KIF26B: variants seen among roughly 807,000 people sequenced by gnomAD.
KIF26B encodes kinesin family member 26B.
In KIF26B, 63 loss-of-function variants were observed where a neutral mutation model predicts 151.2. The observed-to-expected ratio is 0.42, with a 90% CI of 0.34 to 0.51. KIF26B has a LOEUF of 0.51. Ranked by LOEUF, KIF26B falls within the 20% of genes least tolerant of loss-of-function variation. The pLI, the probability that KIF26B is intolerant of heterozygous loss-of-function variation, is 0.07. For missense variants in KIF26B, 2,813 were observed against 2,913.6 expected (o/e 0.97, Z 0.79); for synonymous variants, 1,357 against 1,262.1 (o/e 1.08, Z -1.59).
At chr1:245,261,509 C>T (rs1670644134) in intron 2 of KIF26B, among the ~76,000 whole-genome samples, 2 of 100,460 alleles carry the variant, frequency 2.0e-5, no homozygotes, top group Non-Finnish European at 2.2e-5. Flanking sequence ...CTCTCCCTCC[C>T]TCCCTCCCTC....
chr1:245,325,109 A>T (rs1334155490), intron 2 of KIF26B, among the ~76,000 whole-genome samples: 3 of 134,688 alleles, frequency 2.2e-5, no homozygotes, highest in Non-Finnish European at 4.9e-5. Context: ...AAAAAAAAAA[A>T]AAGAAAAAAA....
intron 9 of KIF26B, among the ~76,000 whole-genome samples, chr1:245,637,230 G>A (rs1218022811): frequency 6.6e-6 from 1 of 151,870 alleles, no homozygotes; most frequent in Non-Finnish European, 1.5e-5. Context: ...ATGATAGCTC[G>A]TTATGGTTTT....
At chr1:245,408,275 G>A (rs1432812291) in intron 3 of KIF26B, among the ~76,000 whole-genome samples, 2 of 151,624 alleles carry the variant, frequency 1.3e-5, no homozygotes, top group East Asian at 3.9e-4. Flanking sequence ...ACACGGGATA[G>A]AGAGAGCCTA....
intron 2 of KIF26B, among the ~76,000 whole-genome samples, chr1:245,184,047 GTTGTTT>G (rs1668953367): frequency 1.1e-4 from 1 of 9,252 alleles, no homozygotes; most frequent in Non-Finnish European, 2.2e-4. Context: ...GGTGGGAGTT[GTTGTTT>G]TTTTTTTTTT....
intron 12 of KIF26B, among the ~76,000 whole-genome samples, chr1:245,691,357 A>G (rs1038500645): frequency 7.9e-5 from 12 of 152,208 alleles, no homozygotes; most frequent in African/African-American, 2.9e-4. Flanking sequence ...TTGGAGGAAA[A>G]CAGTGTAAAA....
intron 5 of KIF26B, among the ~76,000 whole-genome samples, chr1:245,596,810 G>T (rs1356739200): frequency 6.6e-6 from 1 of 152,030 alleles, no homozygotes; most frequent in African/African-American, 2.4e-5. Context: ...TGCGAATCTG[G>T]GTGCTCCTGT....
chr1:245,576,002 C>G (rs1431045749), intron 5 of KIF26B, among the ~76,000 whole-genome samples: 2 of 152,144 alleles, frequency 1.3e-5, no homozygotes, highest in African/African-American at 4.8e-5. Context: ...GCCTGCACCT[C>G]CACTCCTGCA....
intron 3 of KIF26B, among the ~76,000 whole-genome samples, chr1:245,389,488 G>T (rs1005308101): frequency 4.6e-5 from 7 of 152,080 alleles, no homozygotes; most frequent in African/African-American, 1.7e-4. Context: ...GGCAGAACTG[G>T]AATGAGTTAA....
intron 5 of KIF26B, among the ~76,000 whole-genome samples, chr1:245,543,753 G>T (rs1661675971): frequency 6.6e-6 from 1 of 152,144 alleles, no homozygotes; most frequent in Non-Finnish European, 1.5e-5. Context: ...TTCGAGACCA[G>T]CCTGACCAAC....
chr1:245,426,693 C>G (rs1240462355), intron 4 of KIF26B, among the ~76,000 whole-genome samples: 2 of 152,198 alleles, frequency 1.3e-5, no homozygotes, highest in Non-Finnish European at 2.9e-5. Flanking sequence ...GGGGTCAGGG[C>G]TAGGCTGAGC....
intron 4 of KIF26B, among the ~76,000 whole-genome samples, chr1:245,505,152 G>A (rs112527763): frequency 2.0e-5 from 3 of 151,524 alleles, no homozygotes; most frequent in African/African-American, 7.3e-5. Context: ...TGGCCAGGCT[G>A]TTCTCGAACT....
Position 245,687,095 on chromosome 1 carries a change from C to T in KIF26B, c.4112C>T (p.Thr1371Ile), listed in dbSNP as rs2044537376. 2 of 1,613,500 alleles carry T rather than the reference C, an allele frequency of 1.2e-6. No individual in the cohort carries two copies. Among genetic ancestry groups the T allele is most frequent in the Non-Finnish European group, 1.7e-6 (2 of 1,179,860 alleles). The change falls in exon 12 of 15, where the codon ACC becomes ATC. Residue 1371 changes from threonine (T) to isoleucine (I), a missense_variant. Thr to Ile is a moderately conservative substitution (Grantham distance 89, BLOSUM62 -1). Coordinates refer to ENST00000407071, the MANE Select transcript of KIF26B (RefSeq NM_018012.4). This position sits in a 1 kb window ranked among gnomAD's most constrained non-coding sequence, Gnocchi z 4.9. ...KISTVSKAMVTISNTANLSSC... is the reference protein window; with the variant it reads ...KISTVSKAMVIISNTANLSSC... ...TCCACAGTGAGCAAGGCCATGGTCA[C>T]CATCTCCAACACGGCCAATCTGAGC...
intron 10 of KIF26B, among the ~76,000 whole-genome samples, chr1:245,664,142 G>A (rs995526701): frequency 6.6e-6 from 1 of 151,942 alleles, no homozygotes; most frequent in Non-Finnish European, 1.5e-5. Flanking sequence ...GCCGAGGCAG[G>A]CAGATCACCT....
intron 4 of KIF26B, among the ~76,000 whole-genome samples, chr1:245,468,815 G>T (rs778676928): frequency 6.6e-6 from 1 of 151,988 alleles, no homozygotes; most frequent in Admixed American, 6.6e-5. Flanking sequence ...TTTCCCCCTC[G>T]CTATGCTCTT....
chr1:245,280,851 G>T (rs1408571534), intron 2 of KIF26B, among the ~76,000 whole-genome samples: 2 of 98,880 alleles, frequency 2.0e-5, no homozygotes. Context: ...GAGAATATGC[G>T]GTGTTTGGTT....
chr1:245,174,609 C>T (rs906203134), intron 2 of KIF26B, among the ~76,000 whole-genome samples: 2 of 152,176 alleles, frequency 1.3e-5, no homozygotes, highest in African/African-American at 4.8e-5. Context: ...TGGGCTCAAA[C>T]GATCCTCTCG....
intron 5 of KIF26B, among the ~76,000 whole-genome samples, chr1:245,569,179 A>G (rs1265807009): frequency 6.6e-6 from 1 of 152,136 alleles, no homozygotes; most frequent in Admixed American, 6.5e-5. Flanking sequence ...AGAAGTAAGC[A>G]AGTAACCACT....
intron 3 of KIF26B, among the ~76,000 whole-genome samples, chr1:245,412,437 C>T (rs74544762): frequency 0.024 from 3,607 of 152,260 alleles, 137 homozygotes; most frequent in African/African-American, 0.083. Context: ...TTTGGTGTTC[C>T]CTGCTGTCTT....
chr1:245,292,493 G>A (rs7517972), intron 2 of KIF26B, among the ~76,000 whole-genome samples: 10,378 of 152,178 alleles, frequency 0.068, 585 homozygotes, highest in African/African-American at 0.15. Context: ...CCTTTTCCTC[G>A]GGATCTCAGA....
Sources: gnomAD v4.1 joint callset for allele counts (sites outside exome capture counted in the v4.1 genomes callset) on GRCh38, gnomAD v4.1.1 for gene constraint, Gnocchi (gnomAD v3.1) non-coding constraint, MANE v1.5 for transcripts, NCBI Gene and HGNC (gene_info 2026-07-23, HGNC 2026-07-21) for gene names.